Variants in NECTIN1 observed in about 807,000 individuals in gnomAD.
NECTIN1 encodes the protein nectin-1.
Under a neutral mutation model 48.0 loss-of-function variants are expected in NECTIN1, and 23 were observed. That is an observed-to-expected ratio of 0.48 (90% CI 0.34 to 0.68). NECTIN1 has a LOEUF of 0.68. Ranked by LOEUF, NECTIN1 falls within the 30% of genes least tolerant of loss-of-function variation. The pLI, the probability that NECTIN1 is intolerant of heterozygous loss-of-function variation, is 0.01. For missense variants in NECTIN1, 591 were observed against 709.9 expected, an observed-to-expected ratio of 0.83 and a Z score of 1.90; for synonymous variants, 270 against 288.9, an observed-to-expected ratio of 0.93 and a Z score of 0.66.
intron 1 of NECTIN1, among the ~76,000 whole-genome samples, chr11:119,716,777 G>C (rs1453968669): frequency 6.6e-6 from 1 of 152,218 alleles, no homozygotes; most frequent in South Asian, 2.1e-4. Flanking sequence ...ACCCCAGGAG[G>C]GGGGTGAGGG....
intron 5 of NECTIN1, among the ~76,000 whole-genome samples, chr11:119,653,111 G>A (rs899862619): frequency 6.6e-6 from 1 of 152,180 alleles, no homozygotes; most frequent in Non-Finnish European, 1.5e-5. Context: ...GAGGGCACAT[G>A]AATGACTCAC....
chr11:119,721,695 G>A (rs772468871), intron 1 of NECTIN1, among the ~76,000 whole-genome samples: 8 of 152,202 alleles, frequency 5.3e-5, no homozygotes, highest in Non-Finnish European at 7.4e-5. Flanking sequence ...TCTCTGCTCC[G>A]GGCCAGGCCC....
intron 5 of NECTIN1, 139 bp downstream of exon 5, chr11:119,675,020 A>G: frequency 9.0e-7 from 1 of 1,105,080 alleles, no homozygotes; most frequent in Non-Finnish European, 1.3e-6. Context: ...AGCAAAACCA[A>G]TGGCCAGAGC....
At chr11:119,702,351 T>G (rs1042811358) in intron 1 of NECTIN1, among the ~76,000 whole-genome samples, 8 of 152,266 alleles carry the variant, frequency 5.3e-5, no homozygotes, top group African/African-American at 1.9e-4. Context: ...TCCCTTCTGC[T>G]GAAGAGCAAG....
chr11:119,663,109 C>G lies in NECTIN1; in HGVS notation c.*1638G>C. 1.0e-6 allele frequency: 1 copy of G among 985,502 alleles called. No individual in the cohort carries two copies. The highest frequency in any genetic ancestry group is 1.2e-6 in the Non-Finnish European group (1 of 829,958). 61.0% of individuals were successfully genotyped at this position (985,502 alleles called of 1,614,324 possible). A position where few individuals can be genotyped will look rare whatever the true frequency, so the allele number is the denominator to read the frequency against. The stretch of plus-strand genomic sequence containing the variant: ...GGGCACAGAGTGGTCTGCCTCCCTC[C>G]TCCCCAACACTTGCCATCCTGCAGA... On this transcript the variant is annotated 3_prime_UTR_variant, in exon 6 of 6. Transcript: ENST00000264025.
intron 1 of NECTIN1, among the ~76,000 whole-genome samples, chr11:119,715,492 A>G (rs1865729512): frequency 6.6e-6 from 1 of 152,064 alleles, no homozygotes; most frequent in Non-Finnish European, 1.5e-5. Flanking sequence ...AGTAGCTGGG[A>G]TTACAGGTGC....
chr11:119,687,634 G>A (rs1591466346), intron 1 of NECTIN1, among the ~76,000 whole-genome samples: 1 of 152,258 alleles, frequency 6.6e-6, no homozygotes, highest in Non-Finnish European at 1.5e-5. Flanking sequence ...AGGCTAGTGT[G>A]GGGGTGGGAG....
chr11:119,656,517 G>T (rs9651691), downstream of NECTIN1: 39,508 of 152,132 alleles, frequency 0.26, 6,476 homozygotes, highest in Non-Finnish European at 0.36. Flanking sequence ...CCTGGATGCC[G>T]TGGGGGCTTT....
chr11:119,643,138 C>T (rs866111338), intron 5 of NECTIN1: 2 of 153,730 alleles, frequency 1.3e-5, no homozygotes, highest in Admixed American at 6.5e-5. Context: ...CCTGTCCCAC[C>T]CTCTCAATAT....
At chr11:119,639,767 T>G in intron 6 of NECTIN1, 232 of 1,532,610 alleles carry the variant, frequency 1.5e-4, no homozygotes, top group Non-Finnish European at 1.9e-4. Context: ...AGAAAGGCCC[T>G]GAGCTTTCAC....
At chr11:119,646,431 A>T (rs1466925918) in intron 5 of NECTIN1, among the ~76,000 whole-genome samples, 1 of 152,210 alleles carries the variant, frequency 6.6e-6, no homozygotes, top group African/African-American at 2.4e-5. Context: ...GGTAACGGGG[A>T]TGATGTTGGC....
At chr11:119,656,160 T>G (rs373817188), downstream of NECTIN1, among the ~76,000 whole-genome samples, 1 of 152,090 alleles carries the variant, frequency 6.6e-6, no homozygotes, top group Non-Finnish European at 1.5e-5. Flanking sequence ...GTCCCCAAAG[T>G]GTTGGGATTA....
At chr11:119,720,328 C>T (rs1425459578) in intron 1 of NECTIN1, among the ~76,000 whole-genome samples, 2 of 152,256 alleles carry the variant, frequency 1.3e-5, no homozygotes, top group African/African-American at 4.8e-5. Flanking sequence ...CAGTCCTGCC[C>T]GGGGCATGTA....
intron 6 of NECTIN1, among the ~76,000 whole-genome samples, chr11:119,638,998 A>G (rs1198008275): frequency 6.6e-6 from 1 of 152,008 alleles, no homozygotes; most frequent in African/African-American, 2.4e-5. Flanking sequence ...ACAGGCTGAG[A>G]GTGCCCGGCC....
Position 119,661,842 on chromosome 11 carries a change from A to G in NECTIN1, c.*2905T>C, listed in dbSNP as rs1864671086. On this transcript the variant is annotated 3_prime_UTR_variant, in exon 6 of 6. Coordinates refer to ENST00000264025, the MANE Select transcript of NECTIN1 (RefSeq NM_002855.5). ...TCTGGCTGTGCATGCATGCGTGTGT[A>G]CATGCGTGTACACATGCCTGCGCGT... The G allele has an allele frequency of 1.0e-6, 1 of 985,202 alleles. No individual in the cohort carries two copies. Among genetic ancestry groups the G allele is most frequent in the African/African-American group, 1.7e-5 (1 of 57,246 alleles). The allele number at this position is 985,202 out of a possible 1,614,324, so 61.0% of individuals were successfully genotyped here.
rs1864721027 is a variant in NECTIN1 at position 119,664,201 on chromosome 11, C to G, written c.*546G>C. On this transcript the variant is annotated 3_prime_UTR_variant, in exon 6 of 6. Coordinates refer to ENST00000264025, the MANE Select transcript of NECTIN1 (RefSeq NM_002855.5). ...GGAGAAGCCGCACCCCTCCCCCTAC[C>G]TCTTGGGCGCACCAGCTGTCTAGAC... The G allele has an allele frequency of 1.0e-6, 1 of 987,230 alleles. No individual in the cohort carries two copies. The highest frequency in any genetic ancestry group is 1.2e-6 in the Non-Finnish European group (1 of 831,042). The allele number at this position is 987,230 out of a possible 1,614,324, so 61.2% of individuals were successfully genotyped here. A position where few individuals can be genotyped will look rare whatever the true frequency, so the allele number is the denominator to read the frequency against.
intron 5 of NECTIN1, among the ~76,000 whole-genome samples, chr11:119,654,744 G>A (rs2135534604): frequency 6.6e-6 from 1 of 151,694 alleles, no homozygotes; most frequent in South Asian, 2.1e-4. Flanking sequence ...GCTAATTTGT[G>A]TATTTTTAGT....
chr11:119,638,637 C>G (rs1373083091), intron 7 of NECTIN1: 1 of 1,175,482 alleles, frequency 8.5e-7, no homozygotes, highest in Non-Finnish European at 1.2e-6. Flanking sequence ...CGTGGCGGCT[C>G]TGTCTTCAGC....
At chr11:119,693,442 G>A (rs992180265) in intron 1 of NECTIN1, among the ~76,000 whole-genome samples, 1 of 152,256 alleles carries the variant, frequency 6.6e-6, no homozygotes, top group Non-Finnish European at 1.5e-5. Context: ...TACCCCGAGT[G>A]GGGAGTCCCC....
Sources: gnomAD v4.1 joint callset for allele counts (sites outside exome capture counted in the v4.1 genomes callset) on GRCh38, gnomAD v4.1.1 for gene constraint, MANE v1.5 for transcripts, NCBI Gene and HGNC (gene_info 2026-07-23, HGNC 2026-07-21) for gene names.